CNTNAP2: variants seen among roughly 807,000 people sequenced by gnomAD.
CNTNAP2 encodes contactin-associated protein-like 2.
A neutral mutation model predicts 155.2 loss-of-function variants in CNTNAP2; 98 were observed. The ratio of observed to expected loss-of-function variants is 0.63; its 90% CI spans 0.54 to 0.75. CNTNAP2 has a LOEUF of 0.75. CNTNAP2 is among the 30% of genes least tolerant of loss of function. The pLI is 0.00. For synonymous variants in CNTNAP2, 651 were observed against 631.2 expected (o/e 1.03, Z -0.47); for missense variants, 1,727 against 1,688.1 (o/e 1.02, Z -0.40).
intron 13 of CNTNAP2, among the ~76,000 whole-genome samples, chr7:147,873,147 GA>G (rs1254028380): frequency 1.3e-5 from 2 of 152,154 alleles, no homozygotes; most frequent in Non-Finnish European, 2.9e-5. Flanking sequence ...TTGGGATCAA[GA>G]AAACTAAAAT....
chr7:147,742,535 C>G (rs1002191821), intron 13 of CNTNAP2, among the ~76,000 whole-genome samples: 1 of 152,198 alleles, frequency 6.6e-6, no homozygotes, highest in African/African-American at 2.4e-5. Context: ...GAAGGCATAT[C>G]TTTCTTTCCT....
At chr7:146,587,719 C>T (rs1338651074) in intron 1 of CNTNAP2, among the ~76,000 whole-genome samples, 1 of 151,890 alleles carries the variant, frequency 6.6e-6, no homozygotes, top group Non-Finnish European at 1.5e-5. Flanking sequence ...ATCAGCCAGG[C>T]TAGAGTGCAA....
intron 3 of CNTNAP2, among the ~76,000 whole-genome samples, chr7:147,039,964 T>C (rs2129253671): frequency 6.6e-6 from 1 of 152,284 alleles, no homozygotes; most frequent in East Asian, 1.9e-4. Context: ...TGGGATCTAA[T>C]TAAACCTAAG....
intron 1 of CNTNAP2, among the ~76,000 whole-genome samples, chr7:146,432,767 A>G (rs186923370): frequency 2.6e-5 from 4 of 152,230 alleles, no homozygotes; most frequent in African/African-American, 9.6e-5. Flanking sequence ...CAAAACCAAA[A>G]CTGCAGGTAT....
intron 3 of CNTNAP2, among the ~76,000 whole-genome samples, chr7:146,944,533 G>A (rs939202760): frequency 4.6e-5 from 7 of 152,106 alleles, no homozygotes; most frequent in Non-Finnish European, 7.4e-5. Context: ...CAGCAACGAT[G>A]ACATTCCTAA....
chr7:148,094,193 A>G (rs2189980), intron 15 of CNTNAP2, among the ~76,000 whole-genome samples: 8,491 of 152,308 alleles, frequency 0.056, 344 homozygotes, highest in South Asian at 0.2. Flanking sequence ...TAATTTCTCT[A>G]TAAGCCTCAA....
intron 1 of CNTNAP2, among the ~76,000 whole-genome samples, chr7:146,392,824 ACT>A (rs10603832): frequency 0.37 from 56,452 of 151,858 alleles, 11,337 homozygotes; most frequent in African/African-American, 0.51. Flanking sequence ...TCATATAAAG[ACT>A]CTTAGAAAAT....
At chr7:146,804,233 G>A (rs532860881) in intron 2 of CNTNAP2, among the ~76,000 whole-genome samples, 7 of 152,044 alleles carry the variant, frequency 4.6e-5, no homozygotes, top group South Asian at 2.1e-4. Context: ...TTTAGCCACC[G>A]AAAGCAAAAA....
chr7:146,697,261 AGGGTCTT>A (rs1800797812), intron 1 of CNTNAP2, among the ~76,000 whole-genome samples: 1 of 151,210 alleles, frequency 6.6e-6, no homozygotes, highest in Non-Finnish European at 1.5e-5. Context: ...ATTTTGAGAC[AGGGTCTT>A]GCTCTGTTGC....
At chr7:147,413,452 TATTTAC>T (rs1440487897) in intron 10 of CNTNAP2, among the ~76,000 whole-genome samples, 2 of 152,112 alleles carry the variant, frequency 1.3e-5, no homozygotes, top group African/African-American at 4.8e-5. Flanking sequence ...GTCCAAAAGT[TATTTAC>T]ATGGTAAACA....
chr7:148,399,651 T>C (rs1285774143), intron 22 of CNTNAP2, among the ~76,000 whole-genome samples: 2 of 152,150 alleles, frequency 1.3e-5, no homozygotes, highest in African/African-American at 4.8e-5. Context: ...ACTCCCCCTC[T>C]CCAACATTCA....
chr7:146,759,460 C>G (rs191306882), intron 1 of CNTNAP2, among the ~76,000 whole-genome samples: 1 of 151,788 alleles, frequency 6.6e-6, no homozygotes, highest in East Asian at 1.9e-4. Flanking sequence ...TTTGGGAGGC[C>G]GAGATGGGCA....
intron 4 of CNTNAP2, chr7:147,081,033 T>C (rs984650549): frequency 3.3e-5 from 5 of 152,178 alleles, no homozygotes; most frequent in African/African-American, 4.8e-5. Context: ...CAACAAAATA[T>C]AACTCCTGAT....
chr7:148,154,453 T>C (rs1286020214), intron 17 of CNTNAP2, among the ~76,000 whole-genome samples: 1 of 152,218 alleles, frequency 6.6e-6, no homozygotes, highest in Non-Finnish European at 1.5e-5. Context: ...CTGCTTCTCA[T>C]ACTCTCTGTA....
At chr7:147,290,709 A>G (rs1281713205) in intron 8 of CNTNAP2, among the ~76,000 whole-genome samples, 2 of 148,234 alleles carry the variant, frequency 1.3e-5, no homozygotes, top group Non-Finnish European at 3.0e-5. Context: ...AAAAAAAGGC[A>G]CTGGATATAC....
At chr7:147,537,167 G>A (rs1019283489) in intron 11 of CNTNAP2, among the ~76,000 whole-genome samples, 3 of 152,176 alleles carry the variant, frequency 2.0e-5, no homozygotes, top group African/African-American at 7.2e-5. Context: ...TAAATACAAT[G>A]TGAGTAACAC....
chr7:146,680,797 C>A (rs1585039881), intron 1 of CNTNAP2, among the ~76,000 whole-genome samples: 1 of 152,200 alleles, frequency 6.6e-6, no homozygotes, highest in East Asian at 1.9e-4. Flanking sequence ...CCGGGACATA[C>A]TAGAAAGAAA....
chr7:147,866,485 T>C (rs1799230535), intron 13 of CNTNAP2, among the ~76,000 whole-genome samples: 1 of 152,218 alleles, frequency 6.6e-6, no homozygotes, highest in Non-Finnish European at 1.5e-5. Flanking sequence ...GTTAACCTTC[T>C]GTCTCATTGA....
chr7:146,945,076 T>C (rs1797134977), intron 3 of CNTNAP2, among the ~76,000 whole-genome samples: 1 of 152,230 alleles, frequency 6.6e-6, no homozygotes, highest in African/African-American at 2.4e-5. Flanking sequence ...TAAAGCATTC[T>C]GTATAGTCTC....
Sources: allele counts gnomAD v4.1 joint callset (sites outside exome capture counted in the v4.1 genomes callset), GRCh38; gene constraint gnomAD v4.1.1; transcripts MANE v1.5; gene names NCBI Gene and HGNC (gene_info 2026-07-23, HGNC 2026-07-21).